NIBAN2: variants seen among roughly 807,000 people sequenced by gnomAD.
NIBAN2 encodes the protein niban apoptosis regulator 2, also known as protein Niban 2.
NIBAN2 carries 36 observed loss-of-function variants against 81.8 expected under a neutral mutation model. That is an observed-to-expected ratio of 0.44 (90% CI 0.34 to 0.58). The LOEUF (loss-of-function observed/expected upper bound fraction) is 0.58, where lower values mean the gene tolerates loss of function less well. Ranked by LOEUF, NIBAN2 falls within the 20% of genes least tolerant of loss-of-function variation. The pLI is 0.02. For missense variants in NIBAN2, 897 were observed against 1,014.1 expected (o/e 0.88, Z 1.57); for synonymous variants, 445 against 441.6 (o/e 1.01, Z -0.10).
intron 1 of NIBAN2, among the ~76,000 whole-genome samples, chr9:127,567,834 CATT>C (rs1465043146): frequency 1.3e-5 from 2 of 152,128 alleles, no homozygotes; most frequent in African/African-American, 4.8e-5. Context: ...CCCAACAACT[CATT>C]AATAAGGAAG....
intron 1 of NIBAN2, among the ~76,000 whole-genome samples, chr9:127,578,419 T>G (rs1358850013): frequency 6.7e-6 from 1 of 149,638 alleles, no homozygotes; most frequent in East Asian, 2.0e-4. Flanking sequence ...CCCAGCACTT[T>G]AGGAGACCGA....
At chr9:127,511,252 T>C (rs909937512) in intron 8 of NIBAN2, among the ~76,000 whole-genome samples, 4 of 152,146 alleles carry the variant, frequency 2.6e-5, no homozygotes, top group African/African-American at 9.7e-5. Context: ...TTCACCATAT[T>C]GGCCAGGCTG....
chr9:127,569,226 C>A, upstream of NIBAN2: 2 of 364,630 alleles, frequency 5.5e-6, no homozygotes, highest in Non-Finnish European at 7.3e-6. Flanking sequence ...CGGTCCTGCA[C>A]CCCCCTGCGC....
At chr9:127,569,103 C>A, upstream of NIBAN2, 1 of 1,021,076 alleles carries the variant, frequency 9.8e-7, no homozygotes, top group South Asian at 4.5e-5. Context: ...GCCCTGCACC[C>A]CGGCGCCCCG....
At chr9:127,532,270 A>T (rs1481060214) in intron 1 of NIBAN2, among the ~76,000 whole-genome samples, 3 of 152,162 alleles carry the variant, frequency 2.0e-5, no homozygotes, top group Non-Finnish European at 4.4e-5. Context: ...TCTAGGGATG[A>T]TCGGTATACA....
In NIBAN2 at chr9:127,559,356, C is replaced by A. The variant is rs1266916651; in HGVS notation, c.55+9464G>T. ...AGGCCCACAGGTTCCTAAGGGGTCA[C>A]AGCTGGAAGTGCATGCCCGTTGCAC... On this transcript the variant is annotated intron_variant, in intron 1 of 13. Transcript: ENST00000373312. This position sits in a 1 kb window ranked among gnomAD's most constrained non-coding sequence, Gnocchi z 4.0. Among the ~76,000 whole-genome samples the A allele has an allele frequency of 6.6e-6, 1 of 152,242 alleles. No homozygotes were observed. The highest frequency in any genetic ancestry group is 1.5e-5 in the Non-Finnish European group (1 of 68,046).
At chr9:127,576,492 C>G (rs1838010379) in intron 1 of NIBAN2, among the ~76,000 whole-genome samples, 1 of 152,012 alleles carries the variant, frequency 6.6e-6, no homozygotes, top group Non-Finnish European at 1.5e-5. Flanking sequence ...ATGGAAGCGC[C>G]CGTTCATTGC....
rs182491525 is a variant in NIBAN2 at position 127,511,827 on chromosome 9, A to G, written c.974-1494T>C. 1.4e-3 allele frequency among the ~76,000 whole-genome samples: 215 copies of G among 152,346 alleles called. 2 individuals carry two copies. The highest frequency in any genetic ancestry group is 2.5e-4 in the Non-Finnish European group (17 of 68,028). On this transcript the variant is annotated intron_variant, in intron 8 of 13. Coordinates refer to ENST00000373312, the MANE Select transcript of NIBAN2 (RefSeq NM_022833.4). ...CAGGCATATGAAAGGTACTCAACCC[A>G]AAACAGGCATATGAAAAGGTACTTG...
chr9:127,544,800 G>A (rs535159130), intron 1 of NIBAN2, among the ~76,000 whole-genome samples: 118 of 152,262 alleles, frequency 7.7e-4, no homozygotes, highest in African/African-American at 2.4e-3. Context: ...CACCGCACCC[G>A]GCCATGGCTG....
At chr9:127,573,473 A>G (rs1041113701), upstream of NIBAN2, among the ~76,000 whole-genome samples, 3 of 150,792 alleles carry the variant, frequency 2.0e-5, no homozygotes, top group African/African-American at 7.4e-5. Context: ...AAGGAAAGAA[A>G]AATAAACATA....
rs371141575 is a variant in NIBAN2 at position 127,517,612 on chromosome 9, G to A, written c.705+214C>T. On this transcript the variant is annotated intron_variant, in intron 6 of 13. Coordinates refer to ENST00000373312, the MANE Select transcript of NIBAN2 (RefSeq NM_022833.4). This position sits in a 1 kb window ranked among gnomAD's most constrained non-coding sequence, Gnocchi z 4.0. ...ATTCCCAGCTGCACCCCAGTGCCTC[G>A]TCCAGGGTAGGTGCTCAGATGCCCA... is the stretch of plus-strand genomic sequence containing the variant. Among the ~76,000 whole-genome samples, 119 of 152,290 alleles carry A rather than the reference G, an allele frequency of 7.8e-4. No homozygotes were observed. The highest frequency in any genetic ancestry group is 2.2e-3 in the African/African-American group (93 of 41,552).
At chr9:127,570,412 T>C (rs1166863990), upstream of NIBAN2, among the ~76,000 whole-genome samples, 1 of 152,112 alleles carries the variant, frequency 6.6e-6, no homozygotes, top group Non-Finnish European at 1.5e-5. Context: ...CAAGCTGCCC[T>C]CCCCTCTGTG....
chr9:127,546,855 T>A (rs1352603444), intron 1 of NIBAN2, among the ~76,000 whole-genome samples: 1 of 151,504 alleles, frequency 6.6e-6, no homozygotes, highest in African/African-American at 2.4e-5. Flanking sequence ...GAGCCCCAAC[T>A]GGGAGAAGCA....
chr9:127,534,089 G>A (rs2132192985), intron 1 of NIBAN2, among the ~76,000 whole-genome samples: 1 of 152,340 alleles, frequency 6.6e-6, no homozygotes. Flanking sequence ...CTAAGAAGCT[G>A]CAGCTCGCGT....
intron 1 of NIBAN2, 76 bp from the exon 2 acceptor site, chr9:127,531,854 G>A: frequency 6.3e-7 from 1 of 1,579,778 alleles, no homozygotes. Context: ...CTAGGCAGGA[G>A]TGGCTGCAAA....
At chr9:127,552,358 A>C (rs1273608755) in intron 1 of NIBAN2, among the ~76,000 whole-genome samples, 1 of 152,206 alleles carries the variant, frequency 6.6e-6, no homozygotes, top group Non-Finnish European at 1.5e-5. Flanking sequence ...GGATCACTTA[A>C]GGCCAGGAGT....
Position 127,557,255 on chromosome 9 carries a change from C to T in NIBAN2, c.55+11565G>A, listed in dbSNP as rs146587907. Reference sequence around the variant, plus strand: ...TGGGCTTGACCTCGAGGGCACAGGACAGCCTGGAAGGGTCAGTCTGAAGGA... The same window carrying T: ...TGGGCTTGACCTCGAGGGCACAGGATAGCCTGGAAGGGTCAGTCTGAAGGA... On this transcript the variant is annotated intron_variant, in intron 1 of 13. Coordinates refer to ENST00000373312, the MANE Select transcript of NIBAN2 (RefSeq NM_022833.4). 5.9e-5 allele frequency among the ~76,000 whole-genome samples: 9 copies of T among 152,266 alleles called. No homozygotes were observed. In the East Asian group the frequency reaches 1.7e-3, roughly 29 times the overall value.
In NIBAN2 at chr9:127,531,200, C is replaced by A. The variant is rs561369550; in HGVS notation, c.186+448G>T. ...CTGAAAAAAAAAAAATTGAATAAGC[C>A]GCACATAGTGGCTCACACCTGCCTG... On this transcript the variant is annotated intron_variant, in intron 2 of 13. Transcript: ENST00000373312. Among the ~76,000 whole-genome samples the A allele has an allele frequency of 1.5e-3, 228 of 149,952 alleles. 1 individual carries two copies. The highest frequency in any genetic ancestry group is 5.5e-3 in the African/African-American group (223 of 40,344).
intron 3 of NIBAN2, 46 bp from the exon 4 acceptor site, chr9:127,525,209 A>C (rs193266265): frequency 6.7e-7 from 1 of 1,481,760 alleles, no homozygotes; most frequent in Admixed American, 1.7e-5. Flanking sequence ...AGGTGCGGCC[A>C]AGCCCAAATC....
Sources: gnomAD v4.1 joint callset for allele counts (sites outside exome capture counted in the v4.1 genomes callset) on GRCh38, gnomAD v4.1.1 for gene constraint, Gnocchi (gnomAD v3.1) non-coding constraint, MANE v1.5 for transcripts, NCBI Gene and HGNC (gene_info 2026-07-23, HGNC 2026-07-21) for gene names.